The following CSNK1E variants were observed in gnomAD, a reference collection of about 807,000 sequenced individuals.
CSNK1E encodes casein kinase I isoform epsilon.
Under a neutral mutation model 46.1 loss-of-function variants are expected in CSNK1E, and 17 were observed. The ratio of observed to expected loss-of-function variants is 0.37; its 90% CI spans 0.25 to 0.55. CSNK1E has a LOEUF of 0.55. Among genes scored for constraint, CSNK1E ranks in the 20% least tolerant of loss-of-function variants. The pLI, the probability that CSNK1E is intolerant of heterozygous loss-of-function variation, is 0.82. For synonymous variants in CSNK1E, 241 were observed against 242.6 expected, an observed-to-expected ratio of 0.99 and a Z score of 0.06; for missense variants, 386 against 595.4, an observed-to-expected ratio of 0.65 and a Z score of 3.66.
rs745407709 is a variant in CSNK1E, at chr22:38,298,828, G to A, written c.843C>T (p.Gly281=). ...QLFRNLFHRQ[G]FSYDYVFDWN... is the part of the protein sequence containing the mutation. The stretch of plus-strand genomic sequence containing the variant: ...AGTCAAAGACGTAGTCATAGGAGAA[G>A]CCCTGCCGGTGGAAGAGGTTGCGGA... The change falls in exon 7 of 11, where the codon GGC becomes GGT. Residue 281 remains glycine (G), a synonymous_variant. Coordinates refer to ENST00000396832, the MANE Select transcript of CSNK1E (RefSeq NM_152221.3). The surrounding 1 kb of genome is among the most constrained non-coding windows in gnomAD (Gnocchi z 4.2). 5.5e-5 allele frequency: 89 copies of A among 1,614,222 alleles called. No individual in the cohort carries two copies. The highest frequency in any genetic ancestry group is 6.7e-5 in the Non-Finnish European group (79 of 1,180,034).
chr22:38,303,711 C>A lies in CSNK1E; in HGVS notation c.77-463G>T, dbSNP rs1269958096. 2.0e-5 allele frequency among the ~76,000 whole-genome samples: 3 copies of A among 152,182 alleles called. No individual in the cohort carries two copies. Among genetic ancestry groups the A allele is most frequent in the Non-Finnish European group, 4.4e-5 (3 of 68,024 alleles). The stretch of plus-strand genomic sequence containing the variant: ...GGCCTACAGGATGAGGATGGGACAG[C>A]CGCAGCAACCCCTCAGTCAATGCTG... On this transcript the variant is annotated intron_variant, in intron 2 of 10. Transcript: ENST00000396832. This position sits in a 1 kb window ranked among gnomAD's most constrained non-coding sequence, Gnocchi z 4.7.
Position 38,303,164 on chromosome 22 carries a change from T to C in CSNK1E, c.161A>G (p.Lys54Arg), listed in dbSNP as rs867024599. 1 of 1,573,726 alleles carries C rather than the reference T, an allele frequency of 6.4e-7. No individual in the cohort carries two copies. The highest frequency in any genetic ancestry group is 1.7e-5 in the Admixed American group (1 of 58,234). Residue 54 changes from lysine to arginine, a missense_variant, in exon 3 of 11, where the codon AAG becomes AGG. This residue lies in a region of CSNK1E where 212 missense variants were observed against 410.2 expected (regional missense o/e 0.52). Transcript: ENST00000396832. The surrounding 1 kb of genome is among the most constrained non-coding windows in gnomAD (Gnocchi z 4.7). ...GCCACCCTGCATCATCTTGTAGAACTTGCTCTCGATGTGCAGCTGGGGGTG... is the reference window on the plus strand; with the variant it reads ...GCCACCCTGCATCATCTTGTAGAACCTGCTCTCGATGTGCAGCTGGGGGTG... Reference protein sequence around the residue: ...TKHPQLHIESKFYKMMQGGVG... With the variant: ...TKHPQLHIESRFYKMMQGGVG...
At chr22:38,314,950 G>A (rs1166919137) in intron 1 of CSNK1E, among the ~76,000 whole-genome samples, 1 of 152,238 alleles carries the variant, frequency 6.6e-6, no homozygotes, top group African/African-American at 2.4e-5. Context: ...TTCCTGGTCA[G>A]CAGAGGAGGA....
Position 38,297,798 on chromosome 22 carries a change from T to G in CSNK1E, c.885+988A>C. On this transcript the variant is annotated intron_variant, in intron 7 of 10. Coordinates refer to ENST00000396832, the MANE Select transcript of CSNK1E (RefSeq NM_152221.3). ...CACCATGGCCTCCACTGTGCTGCCA[T>G]CTCTTGGGAACAGGGGGTCATCCCA... 2.0e-6 allele frequency: 2 copies of G among 1,004,822 alleles called. 1 individual carries two copies. The highest frequency in any genetic ancestry group is 2.2e-4 in the East Asian group (2 of 9,084). 62.2% of individuals were successfully genotyped at this position (1,004,822 alleles called of 1,614,324 possible). A position where few individuals can be genotyped will look rare whatever the true frequency, so the allele number is the denominator to read the frequency against.
At chr22:38,311,412 G>A (rs1044980211) in intron 2 of CSNK1E, among the ~76,000 whole-genome samples, 1 of 152,224 alleles carries the variant, frequency 6.6e-6, no homozygotes, top group Admixed American at 6.5e-5. Context: ...CCTGTCCCCA[G>A]GGAGGTCCCA....
rs1024945738 is a variant in CSNK1E at position 38,303,969 on chromosome 22, A to G, written c.77-721T>C. On this transcript the variant is annotated intron_variant, in intron 2 of 10. Coordinates refer to ENST00000396832, the MANE Select transcript of CSNK1E (RefSeq NM_152221.3). This position sits in a 1 kb window ranked among gnomAD's most constrained non-coding sequence, Gnocchi z 4.7. ...CACTCCTGGCTTCTCAAGGGGCTCTAAGAAAATACCCTCACACACACCAAG... is the reference window on the plus strand; with the variant it reads ...CACTCCTGGCTTCTCAAGGGGCTCTGAGAAAATACCCTCACACACACCAAG... Among the ~76,000 whole-genome samples the G allele has an allele frequency of 1.3e-5, 2 of 152,152 alleles. No homozygotes were observed. The highest frequency in any genetic ancestry group is 1.9e-4 in the East Asian group (1 of 5,186).
chr22:38,301,755 TATCC>T (rs2092673866), intron 4 of CSNK1E, among the ~76,000 whole-genome samples: 2 of 152,140 alleles, frequency 1.3e-5, no homozygotes, highest in African/African-American at 4.8e-5. Context: ...CTCAAACTAA[TATCC>T]ATCCACATGC....
rs1404248052 is a variant in CSNK1E, at chr22:38,291,261, C to G, written c.*710G>C. ...ACCCCCATGTCCTTGTTAGTAGACACAGGAGAACGGGAATTCGGGCTGGCA... is the reference window on the plus strand; with the variant it reads ...ACCCCCATGTCCTTGTTAGTAGACAGAGGAGAACGGGAATTCGGGCTGGCA... On this transcript the variant is annotated 3_prime_UTR_variant, in exon 11 of 11. Transcript: ENST00000396832. 6.5e-6 allele frequency: 1 copy of G among 152,768 alleles called. No homozygotes were observed. The highest frequency in any genetic ancestry group is 1.5e-5 in the Non-Finnish European group (1 of 68,572). 9.5% of individuals were successfully genotyped at this position (152,768 alleles called of 1,614,324 possible). A position where few individuals can be genotyped will look rare whatever the true frequency, so the allele number is the denominator to read the frequency against.
Position 38,298,598 on chromosome 22 carries a change from T to C in CSNK1E, c.885+188A>G, listed in dbSNP as rs1055436403. 2 of 656,138 alleles carry C rather than the reference T, an allele frequency of 3.0e-6. No individual in the cohort carries two copies. The highest frequency in any genetic ancestry group is 5.2e-6 in the Non-Finnish European group (2 of 384,444). 40.6% of individuals were successfully genotyped at this position (656,138 alleles called of 1,614,324 possible). A position where few individuals can be genotyped will look rare whatever the true frequency, so the allele number is the denominator to read the frequency against. ...CGCCCTGCCTGGGCCCTGCTGCCCA[T>C]GGTGGCACAAGCTGTCAGCACGGAT... On this transcript the variant is annotated intron_variant, in intron 7 of 10. Coordinates refer to ENST00000396832, the MANE Select transcript of CSNK1E (RefSeq NM_152221.3). This position sits in a 1 kb window ranked among gnomAD's most constrained non-coding sequence, Gnocchi z 4.2.
chr22:38,310,927 G>A (rs1199684439), intron 2 of CSNK1E, among the ~76,000 whole-genome samples: 4 of 152,222 alleles, frequency 2.6e-5, no homozygotes, highest in Non-Finnish European at 5.9e-5. Flanking sequence ...GCTGGCCGGG[G>A]ACGCCCTACA....
chr22:38,294,012 G>T lies in CSNK1E; in HGVS notation c.1218+97C>A. On this transcript the variant is annotated intron_variant, in intron 9 of 10. Coordinates refer to ENST00000396832, the MANE Select transcript of CSNK1E (RefSeq NM_152221.3). This position sits in a 1 kb window ranked among gnomAD's most constrained non-coding sequence, Gnocchi z 5.5. ...GGTTCACTCCAAGGCAAGCAGCGTC[G>T]ATGGAAAGGGAAGAACAGAGCCACG... 1 of 1,407,026 alleles carries T rather than the reference G, an allele frequency of 7.1e-7. No homozygotes were observed. The highest frequency in any genetic ancestry group is 1.3e-5 in the South Asian group (1 of 77,068). 87.2% of individuals were successfully genotyped at this position (1,407,026 alleles called of 1,614,324 possible). A position where few individuals can be genotyped will look rare whatever the true frequency, so the allele number is the denominator to read the frequency against.
At chr22:38,297,972 C>A (rs909329321) in intron 7 of CSNK1E, 111 of 1,137,828 alleles carry the variant, frequency 9.8e-5, no homozygotes, top group Non-Finnish European at 4.0e-5. Flanking sequence ...ATCTGGGGGG[C>A]TCTGGGTGCC....
At chr22:38,293,741 C>T (rs180961888) in intron 9 of CSNK1E, among the ~76,000 whole-genome samples, 16 of 152,248 alleles carry the variant, frequency 1.1e-4, no homozygotes, top group Admixed American at 9.8e-4. Flanking sequence ...ACTGCCCCTA[C>T]ACCCCATGCT....
rs189639659 is a variant in CSNK1E, at chr22:38,303,414, A to G, written c.77-166T>C. On this transcript the variant is annotated intron_variant, in intron 2 of 10. Transcript: ENST00000396832. The surrounding 1 kb of genome is among the most constrained non-coding windows in gnomAD (Gnocchi z 4.7). ...GAAGGGGGCAAAGGAGCCCCGGCAAAGGGTTCCTGAGGGGAAAGAAGGTCA... is the reference window on the plus strand; with the variant it reads ...GAAGGGGGCAAAGGAGCCCCGGCAAGGGGTTCCTGAGGGGAAAGAAGGTCA... Among the ~76,000 whole-genome samples, 1 of 152,328 alleles carries G rather than the reference A, an allele frequency of 6.6e-6. No individual in the cohort carries two copies. The highest frequency in any genetic ancestry group is 2.4e-5 in the African/African-American group (1 of 41,584).
chr22:38,316,574 G>A (rs1476565804), intron 1 of CSNK1E: 2 of 152,248 alleles, frequency 1.3e-5, no homozygotes, highest in Non-Finnish European at 2.9e-5. Context: ...ACAAAAATGG[G>A]AGAATCCGAT....
At position 38,304,978 on chromosome 22, in the gene CSNK1E, C is replaced by T. The variant is rs555006937; in HGVS notation, c.77-1730G>A. Reference sequence around the variant, plus strand: ...CTGTACCAAAAATACAAAAATTAGCCGGGCGCAGTGGCAGGCATCTGTAAT... The same window carrying T: ...CTGTACCAAAAATACAAAAATTAGCTGGGCGCAGTGGCAGGCATCTGTAAT... On this transcript the variant is annotated intron_variant, in intron 2 of 10. Coordinates refer to ENST00000396832, the MANE Select transcript of CSNK1E (RefSeq NM_152221.3). 6.6e-5 allele frequency among the ~76,000 whole-genome samples: 10 copies of T among 151,948 alleles called. No homozygotes were observed. In the East Asian group the frequency reaches 1.2e-3, roughly 18 times the overall value.
At position 38,294,067 on chromosome 22, in the gene CSNK1E, T is replaced by C. The variant is rs757192471; in HGVS notation, c.1218+42A>G. ...GACCTCCCACTGGGGGGTCTCTAAC[T>C]CAGTTCTGAGGCCCAGAGGGACTGG... On this transcript the variant is annotated intron_variant, in intron 9 of 10. Coordinates refer to ENST00000396832, the MANE Select transcript of CSNK1E (RefSeq NM_152221.3). The surrounding 1 kb of genome is among the most constrained non-coding windows in gnomAD (Gnocchi z 5.5). The C allele has an allele frequency of 2.5e-6, 4 of 1,593,766 alleles. No individual in the cohort carries two copies. The highest frequency in any genetic ancestry group is 3.4e-6 in the Non-Finnish European group (4 of 1,173,176).
intron 10 of CSNK1E, 191 bp from the exon 11 acceptor site, chr22:38,292,129 G>A (rs1003104129): frequency 2.0e-5 from 3 of 151,788 alleles, no homozygotes; most frequent in Non-Finnish European, 4.4e-5. Context: ...TGAGATTACA[G>A]GTGTGTGCCA....
Position 38,305,846 on chromosome 22 carries a change from T to C in CSNK1E, c.77-2598A>G, listed in dbSNP as rs115489052. On this transcript the variant is annotated intron_variant, in intron 2 of 10. Coordinates refer to ENST00000396832, the MANE Select transcript of CSNK1E (RefSeq NM_152221.3). ...GGTGGTGGAGGCGTCAACTGCTGAGTCGCCACTGGAGGGGGATTTGACGCT... is the reference window on the plus strand; with the variant it reads ...GGTGGTGGAGGCGTCAACTGCTGAGCCGCCACTGGAGGGGGATTTGACGCT... Among the ~76,000 whole-genome samples, 619 of 151,956 alleles carry C rather than the reference T, an allele frequency of 4.1e-3. 2 individuals carry two copies. Among genetic ancestry groups the C allele is most frequent in the African/African-American group, 0.014 (582 of 41,434 alleles).
Sources: gnomAD v4.1 joint callset for allele counts (sites outside exome capture counted in the v4.1 genomes callset) on GRCh38, gnomAD v4.1.1 for gene constraint, gnomAD v4.1.1 regional missense constraint, Gnocchi (gnomAD v3.1) non-coding constraint, MANE v1.5 for transcripts, NCBI Gene and HGNC (gene_info 2026-07-23, HGNC 2026-07-21) for gene names.